Variants in CACNA1C observed in about 807,000 individuals in gnomAD.
CACNA1C encodes voltage-dependent L-type calcium channel subunit alpha-1C.
Under a neutral mutation model 229.0 loss-of-function variants are expected in CACNA1C, and 30 were observed. The observed-to-expected ratio is 0.13, with a 90% CI of 0.10 to 0.18. The LOEUF is 0.18. Ranked by LOEUF, CACNA1C falls within the 10% of genes least tolerant of loss-of-function variation. The probability of loss-of-function intolerance (pLI) is 1.00; values close to 1 mark genes in which losing one functional copy is unlikely to be tolerated. For missense variants in CACNA1C, 1,658 were observed against 2,845.0 expected, an observed-to-expected ratio of 0.58 and a Z score of 9.49; for synonymous variants, 1,114 against 1,132.5, an observed-to-expected ratio of 0.98 and a Z score of 0.33.
rs184706791 is a variant in CACNA1C at position 2,506,470 on chromosome 12, A to G, written c.1217+1525A>G. Among the ~76,000 whole-genome samples, 6 of 152,358 alleles carry G rather than the reference A, an allele frequency of 3.9e-5. No individual in the cohort carries two copies. In the East Asian group the frequency reaches 1.2e-3, roughly 29 times the overall value. On this transcript the variant is annotated intron_variant, in intron 8 of 46. Coordinates refer to ENST00000399655, the MANE Select transcript of CACNA1C (RefSeq NM_000719.7). Reference sequence around the variant, plus strand: ...AGTGAAGCTGATAATTCCAGTGCATAGGTGGCTGTGATGATAGAATAAGAT... The same window carrying G: ...AGTGAAGCTGATAATTCCAGTGCATGGGTGGCTGTGATGATAGAATAAGAT...
chr12:2,099,509 G>A (rs1181004175), intron 1 of CACNA1C, among the ~76,000 whole-genome samples: 1 of 152,110 alleles, frequency 6.6e-6, no homozygotes, highest in African/African-American at 2.4e-5. Context: ...CAGGCGGCCT[G>A]TCTGTCCCCT....
chr12:2,087,802 A>G (rs990648297), intron 1 of CACNA1C, among the ~76,000 whole-genome samples: 1 of 152,158 alleles, frequency 6.6e-6, no homozygotes, highest in African/African-American at 2.4e-5. Flanking sequence ...TGATTCTTTG[A>G]AAAAAATAAA....
chr12:2,452,070 G>T (rs991939988), intron 4 of CACNA1C, among the ~76,000 whole-genome samples: 3 of 152,102 alleles, frequency 2.0e-5, no homozygotes, highest in Non-Finnish European at 4.4e-5. Context: ...GAAAATATCT[G>T]CTATCCTTGG....
At chr12:2,505,497 G>A (rs1490874940) in intron 8 of CACNA1C, among the ~76,000 whole-genome samples, 2 of 152,140 alleles carry the variant, frequency 1.3e-5, no homozygotes, top group African/African-American at 2.4e-5. Flanking sequence ...TTGCTCAGAT[G>A]AAGTTAGAAG....
At chr12:2,051,868 G>T (rs922009980), upstream of CACNA1C, among the ~76,000 whole-genome samples, 1 of 152,228 alleles carries the variant, frequency 6.6e-6, no homozygotes, top group African/African-American at 2.4e-5. Flanking sequence ...AGAGAGGTCT[G>T]GGCTGGAGAT....
chr12:2,605,703 G>A lies in CACNA1C; in HGVS notation c.3073G>A (p.Ala1025Thr), dbSNP rs749872421. 1.9e-6 allele frequency: 3 copies of A among 1,613,606 alleles called. No homozygotes were observed. Among genetic ancestry groups the A allele is most frequent in the African/African-American group, 1.3e-5 (1 of 74,986 alleles). ...GCATGTGGTTCAGTGTGTGTTTGTC[G>A]CCATCCGGACCATCGGGAACATCGT... ...LKHVVQCVFV[A>T]IRTIGNIVIV... The change falls in exon 24 of 47, where the codon GCC becomes ACC. Residue 1025 changes from alanine (A) to threonine (T), a missense_variant. By Grantham distance (58) the Ala-to-Thr change is moderately conservative. Coordinates refer to ENST00000399655, the MANE Select transcript of CACNA1C (RefSeq NM_000719.7). The surrounding 1 kb of genome is among the most constrained non-coding windows in gnomAD (Gnocchi z 6.2).
At chr12:2,650,213 G>A (rs1190090469) in intron 31 of CACNA1C, among the ~76,000 whole-genome samples, 1 of 152,228 alleles carries the variant, frequency 6.6e-6, no homozygotes, top group Non-Finnish European at 1.5e-5. Context: ...TCTGGGCAGA[G>A]TGGTGGCTGC....
Position 2,449,106 on chromosome 12 carries a change from T to C in CACNA1C, c.608T>C (p.Val203Ala). The part of the protein sequence containing the change: ...NGWNLLDFII[V>A]VVGLFSAILE... ...TGGAACCTACTAGATTTTATAATTGTGGTTGTGGGGTAAGTATCACTGTCT... is the reference window on the plus strand; with the variant it reads ...TGGAACCTACTAGATTTTATAATTGCGGTTGTGGGGTAAGTATCACTGTCT... The change falls in exon 4 of 47, where the codon GTG (valine) becomes GCG (alanine). Residue 203 changes from valine to alanine, a missense_variant. Coordinates refer to ENST00000399655, the MANE Select transcript of CACNA1C (RefSeq NM_000719.7). 1 of 1,548,106 alleles carries C rather than the reference T, an allele frequency of 6.5e-7. No homozygotes were observed. Among genetic ancestry groups the C allele is most frequent in the Non-Finnish European group, 8.7e-7 (1 of 1,146,108 alleles).
Position 2,181,613 on chromosome 12 carries a change from T to C in CACNA1C, c.477+61183T>C, listed in dbSNP as rs2096842787. 6.6e-6 allele frequency among the ~76,000 whole-genome samples: 1 copy of C among 152,144 alleles called. No individual in the cohort carries two copies. Among genetic ancestry groups the C allele is most frequent in the Non-Finnish European group, 1.5e-5 (1 of 68,010 alleles). ...CTACAAATATGACACAATTCCATGCTGCACCCACAGAATAGTGAGTAGTGT... is the reference window on the plus strand; with the variant it reads ...CTACAAATATGACACAATTCCATGCCGCACCCACAGAATAGTGAGTAGTGT... On this transcript the variant is annotated intron_variant, in intron 3 of 46. Transcript: ENST00000399655. The surrounding 1 kb of genome is among the most constrained non-coding windows in gnomAD (Gnocchi z 4.0).
rs557713763 is a variant in CACNA1C, at chr12:2,528,634, G to C, written c.1390+15650G>C. 1.2e-4 allele frequency among the ~76,000 whole-genome samples: 18 copies of C among 152,298 alleles called. No homozygotes were observed. The South Asian group carries it at 2.5e-3, about 21-fold the overall frequency. On this transcript the variant is annotated intron_variant, in intron 9 of 46. Transcript: ENST00000399655. Reference sequence around the variant, plus strand: ...TCACGGAGACACAAGTTTTGCAGCGGAGAAAGCGTTTGTTCACAAGGCAGC... The same window carrying C: ...TCACGGAGACACAAGTTTTGCAGCGCAGAAAGCGTTTGTTCACAAGGCAGC...
rs1210702782 is a variant in CACNA1C, at chr12:2,106,142, G to A, written c.50-9082G>A. Among the ~76,000 whole-genome samples the A allele has an allele frequency of 4.2e-3, 188 of 45,272 alleles. 40 individuals are homozygous for A. The highest frequency in any genetic ancestry group is 5.4e-3 in the Non-Finnish European group (106 of 19,458). 29.7% of individuals were successfully genotyped at this position (45,272 alleles called of 152,430 possible). ...GAGAGGGTTTCCACCTGAGCTGGGC[G>A]TCCTGAAGCCACTGGGCGCCCACCC... On this transcript the variant is annotated intron_variant, in intron 1 of 46. Coordinates refer to ENST00000399655, the MANE Select transcript of CACNA1C (RefSeq NM_000719.7).
At chr12:2,577,477 G>T (rs546640469) in intron 13 of CACNA1C, among the ~76,000 whole-genome samples, 1 of 152,334 alleles carries the variant, frequency 6.6e-6, no homozygotes, top group African/African-American at 2.4e-5. Flanking sequence ...TTGATGCATG[G>T]TCTGGCAATG....
Position 2,221,446 on chromosome 12 carries a change from G to A in CACNA1C, c.477+101016G>A, listed in dbSNP as rs539294249. ...TTTGGCCAGTGGGATGAATGCAAGT[G>A]CCTGGGAGGCAGAGTTGCCAGGGCC... On this transcript the variant is annotated intron_variant, in intron 3 of 46. Transcript: ENST00000399655. Among the ~76,000 whole-genome samples, 6 of 152,294 alleles carry A rather than the reference G, an allele frequency of 3.9e-5. No homozygotes were observed. In the South Asian group the frequency reaches 1.0e-3, roughly 26 times the overall value.
At chr12:2,102,455 C>T (rs1389127378) in intron 1 of CACNA1C, among the ~76,000 whole-genome samples, 1 of 152,214 alleles carries the variant, frequency 6.6e-6, no homozygotes, top group African/African-American at 2.4e-5. Context: ...TGGGTCCCCT[C>T]AGTGTGGTAC....
chr12:1,998,039 C>T, intron 1 of CACNA1C: 1 of 1,424,146 alleles, frequency 7.0e-7, no homozygotes. Context: ...AGGTATAAAA[C>T]AAATTCTCAT....
chr12:2,049,860 A>T (rs1469298969), upstream of CACNA1C, among the ~76,000 whole-genome samples: 1 of 152,166 alleles, frequency 6.6e-6, no homozygotes, highest in East Asian at 1.9e-4. Flanking sequence ...GAAAGAGCAC[A>T]CCCAGGGCTG....
At chr12:2,364,582 C>T (rs972607714) in intron 3 of CACNA1C, among the ~76,000 whole-genome samples, 5 of 152,200 alleles carry the variant, frequency 3.3e-5, no homozygotes, top group East Asian at 3.9e-4. Flanking sequence ...AAATTTCACT[C>T]GGCTAAAAGC....
chr12:2,088,936 T>C (rs1303369502), intron 1 of CACNA1C, among the ~76,000 whole-genome samples: 1 of 152,190 alleles, frequency 6.6e-6, no homozygotes, highest in East Asian at 1.9e-4. Context: ...TTGATATTCT[T>C]AAATGAATCA....
Position 2,633,243 on chromosome 12 carries a change from G to T in CACNA1C, c.3829-1054G>T, listed in dbSNP as rs925557959. ...CCCTTCTGCTGGAAGAGGACTGGGGGTGCAGGAGATGCTCAGCGTGGACTG... is the reference window on the plus strand; with the variant it reads ...CCCTTCTGCTGGAAGAGGACTGGGGTTGCAGGAGATGCTCAGCGTGGACTG... On this transcript the variant is annotated intron_variant, in intron 29 of 46. Transcript: ENST00000399655. The surrounding 1 kb of genome is among the most constrained non-coding windows in gnomAD (Gnocchi z 5.8). Among the ~76,000 whole-genome samples the T allele has an allele frequency of 3.9e-5, 6 of 152,166 alleles. No individual in the cohort carries two copies. The highest frequency in any genetic ancestry group is 8.8e-5 in the Non-Finnish European group (6 of 68,034).
Sources: gnomAD v4.1 joint callset for allele counts (sites outside exome capture counted in the v4.1 genomes callset) on GRCh38, gnomAD v4.1.1 for gene constraint, Gnocchi (gnomAD v3.1) non-coding constraint, MANE v1.5 for transcripts, NCBI Gene and HGNC (gene_info 2026-07-23, HGNC 2026-07-21) for gene names.